TMPRSS13: variants seen among roughly 807,000 people sequenced by gnomAD.
The protein encoded by TMPRSS13 is transmembrane protease serine 13.
TMPRSS13 carries 50 observed loss-of-function variants against 68.4 expected under a neutral mutation model. The observed-to-expected ratio is 0.73, with a 90% CI of 0.58 to 0.93. TMPRSS13 has a LOEUF of 0.93. TMPRSS13 is among the 40% of genes least tolerant of loss of function. TMPRSS13 has a pLI of 0.00. For missense variants in TMPRSS13, 615 were observed against 729.2 expected, an observed-to-expected ratio of 0.84 and a Z score of 1.80; for synonymous variants, 267 against 285.8, an observed-to-expected ratio of 0.93 and a Z score of 0.66.
intron 1 of TMPRSS13, among the ~76,000 whole-genome samples, chr11:117,921,717 C>G (rs2057650706): frequency 6.6e-6 from 1 of 152,200 alleles, no homozygotes; most frequent in South Asian, 2.1e-4. Context: ...GTATCTAGCT[C>G]TGGTCTGGGT....
At chr11:117,923,838 T>TAA (rs1555057480) in intron 1 of TMPRSS13, among the ~76,000 whole-genome samples, 4 of 128,140 alleles carry the variant, frequency 3.1e-5, no homozygotes, top group African/African-American at 1.1e-4. Flanking sequence ...GTATAATAAT[T>TAA]AAAAAAAAAA....
In TMPRSS13 at chr11:117,913,808, C is replaced by T; in HGVS notation, c.778G>A (p.Glu260Lys). 6.2e-7 allele frequency: 1 copy of T among 1,614,078 alleles called. No individual in the cohort carries two copies. The highest frequency in any genetic ancestry group is 1.7e-5 in the Admixed American group (1 of 60,018). Residue 260 changes from glutamate (E) to lysine (K), a missense_variant, in exon 5 of 13, where the codon GAG becomes AAG. Transcript: ENST00000524993. ...CSSNWNDSYS[E>K]KTCQQLGFES... Reference sequence around the variant, plus strand: ...AAACCCAGCTGCTGGCAGGTCTTCTCTGAGTAGGAGTCATTCCAGTTGCTG... The same window carrying T: ...AAACCCAGCTGCTGGCAGGTCTTCTTTGAGTAGGAGTCATTCCAGTTGCTG...
intron 9 of TMPRSS13, 21 bp from the exon 10 acceptor site, chr11:117,905,757 G>A (rs779936362): frequency 9.6e-6 from 15 of 1,562,258 alleles, no homozygotes; most frequent in Middle Eastern, 1.7e-4. Flanking sequence ...ACCTCCAGAC[G>A]TCAGTGAAGG....
At chr11:117,907,424 C>T (rs867068469) in intron 9 of TMPRSS13, 1 of 152,226 alleles carries the variant, frequency 6.6e-6, no homozygotes, top group East Asian at 1.9e-4. Context: ...CCTCCTCACC[C>T]CACTCTGATG....
Position 117,914,349 on chromosome 11 carries a change from G to T in TMPRSS13, c.679+43C>A. 1 of 1,607,768 alleles carries T rather than the reference G, an allele frequency of 6.2e-7. No homozygotes were observed. The highest frequency in any genetic ancestry group is 1.7e-4 in the Middle Eastern group (1 of 6,032). On this transcript the variant is annotated intron_variant, in intron 4 of 12. Transcript: ENST00000524993. This position sits in a 1 kb window ranked among gnomAD's most constrained non-coding sequence, Gnocchi z 4.2. The stretch of plus-strand genomic sequence containing the variant: ...TATACAAACAGGCACACAAACACAT[G>T]CACATGCACACGCACGCGCTCCCCC...
Position 117,902,017 on chromosome 11 carries a change from G to A in TMPRSS13, c.*222C>T. On this transcript the variant is annotated 3_prime_UTR_variant, in exon 13 of 13. Transcript: ENST00000524993. ...TTTCCAGCCTGGGATTTTGAGAAGA[G>A]TTGACAGCTCTGCTGGTTTCTGAAA... 1 of 604,798 alleles carries A rather than the reference G, an allele frequency of 1.7e-6. No individual in the cohort carries two copies. The highest frequency in any genetic ancestry group is 3.0e-6 in the Non-Finnish European group (1 of 338,048). The allele number at this position is 604,798 out of a possible 1,614,324, so 37.5% of individuals were successfully genotyped here. A position where few individuals can be genotyped will look rare whatever the true frequency, so the allele number is the denominator to read the frequency against.
Position 117,917,245 on chromosome 11 carries a change from C to G in TMPRSS13, c.481G>C (p.Glu161Gln). 4 of 1,612,782 alleles carry G rather than the reference C, an allele frequency of 2.5e-6. No individual in the cohort carries two copies. The highest frequency in any genetic ancestry group is 3.4e-6 in the Non-Finnish European group (4 of 1,179,990). ...ATGAGCGGTAGCTGCTTCTGGCCCT[C>G]CCGCCAGGTGAACTTGGGCAGGCTC... is the stretch of plus-strand genomic sequence containing the variant. ...GTSLPKFTWR[E>Q]GQKQLPLIGC... The change falls in exon 3 of 13, where the codon GAG (glutamate) becomes CAG (glutamine). Residue 161 changes from glutamate to glutamine, a missense_variant. Glu to Gln is a conservative substitution (Grantham distance 29, BLOSUM62 2). Coordinates refer to ENST00000524993, the MANE Select transcript of TMPRSS13 (RefSeq NM_001077263.3).
chr11:117,924,292 G>A (rs1285725111), intron 1 of TMPRSS13, among the ~76,000 whole-genome samples: 2 of 152,110 alleles, frequency 1.3e-5, no homozygotes, highest in African/African-American at 4.8e-5. Flanking sequence ...GCCAGGTGGG[G>A]ACGGTGCCAA....
chr11:117,907,289 A>G (rs958874520), intron 9 of TMPRSS13, among the ~76,000 whole-genome samples: 1 of 151,964 alleles, frequency 6.6e-6, no homozygotes, highest in Non-Finnish European at 1.5e-5. Flanking sequence ...ACAGACAAGG[A>G]TGGAGTTTCA....
chr11:117,903,308 A>G (rs1591614444), intron 12 of TMPRSS13: 1 of 1,382,154 alleles, frequency 7.2e-7, no homozygotes, highest in East Asian at 2.5e-5. Context: ...CTTGATAACA[A>G]AAACTATCAC....
intron 5 of TMPRSS13, among the ~76,000 whole-genome samples, chr11:117,912,618 G>A (rs975006604): frequency 5.3e-5 from 8 of 152,180 alleles, no homozygotes; most frequent in Non-Finnish European, 1.2e-4. Context: ...CTTAGCACAC[G>A]CTGCTCCTCT....
rs2057472470 is a variant in TMPRSS13 at position 117,907,274 on chromosome 11, A to C, written c.1282+1338T>G. Among the ~76,000 whole-genome samples, 4 of 151,726 alleles carry C rather than the reference A, an allele frequency of 2.6e-5. No individual in the cohort carries two copies. In the South Asian group the frequency reaches 8.3e-4, roughly 32 times the overall value. On this transcript the variant is annotated intron_variant, in intron 9 of 12. Transcript: ENST00000524993. ...CGGGCATCCCTCACCTCAGCCCTGG[A>C]CTCCACAGACAAGGATGGAGTTTCA...
chr11:117,914,664 G>C lies in TMPRSS13; in HGVS notation c.557-150C>G, dbSNP rs540475816. On this transcript the variant is annotated intron_variant, in intron 3 of 12. Coordinates refer to ENST00000524993, the MANE Select transcript of TMPRSS13 (RefSeq NM_001077263.3). This position sits in a 1 kb window ranked among gnomAD's most constrained non-coding sequence, Gnocchi z 4.2. ...ATCCCCCATCTGTATGGAGAGAAAG[G>C]CTGCTCAGGAATGCTCCAGAATGCT... 5.3e-4 allele frequency: 750 copies of C among 1,426,748 alleles called. 2 individuals are homozygous for C. Among genetic ancestry groups the C allele is most frequent in the African/African-American group, 5.0e-3 (352 of 70,774 alleles). 88.4% of individuals were successfully genotyped at this position (1,426,748 alleles called of 1,614,324 possible).
chr11:117,928,194 T>C (rs761576211), intron 1 of TMPRSS13, among the ~76,000 whole-genome samples: 3 of 152,186 alleles, frequency 2.0e-5, no homozygotes, highest in Non-Finnish European at 4.4e-5. Flanking sequence ...GTACCCCCCT[T>C]ACTGCTCAAC....
In TMPRSS13 at chr11:117,908,791, G is replaced by C. The variant is rs1377618615; in HGVS notation, c.1110-7C>G. The C allele has an allele frequency of 6.3e-7, 1 of 1,596,650 alleles. No homozygotes were observed. The highest frequency in any genetic ancestry group is 8.5e-7 in the Non-Finnish European group (1 of 1,172,498). On this transcript the variant is annotated splice_polypyrimidine_tract_variant and splice_region_variant and intron_variant, in intron 8 of 12. Transcript: ENST00000524993. ...CAGGACCTTCTCCCGGGTCCTGCAA[G>C]AGCCACAAAGGAGCGTGGTCCAGTA...
rs754249591 is a variant in TMPRSS13 at position 117,903,009 on chromosome 11, G to C, written c.1677+646C>G. On this transcript the variant is annotated intron_variant, in intron 12 of 12. Transcript: ENST00000524993. The stretch of plus-strand genomic sequence containing the variant: ...ACCTGAGCAATGACTTCTGAGGTTG[G>C]ATATAGGTTAAAGCAAGTCAAAAAA... 1,321 of 1,029,880 alleles carry C rather than the reference G, an allele frequency of 1.3e-3. 2 individuals carry two copies. Among genetic ancestry groups the C allele is most frequent in the Non-Finnish European group, 1.5e-3 (1,277 of 857,706 alleles). The allele number at this position is 1,029,880 out of a possible 1,614,324, so 63.8% of individuals were successfully genotyped here.
chr11:117,910,731 G>T lies in TMPRSS13; in HGVS notation c.922C>A (p.Arg308=), dbSNP rs181029155. ...SLHRSECPSQ[R]YISLQCSHCG... is the part of the protein sequence containing the mutation. Reference sequence around the variant, plus strand: ...CGGGAACACTGGAGAGAGATATACCGCTGGGAAGGGCATTCAGACCTGCAG... The same window carrying T: ...CGGGAACACTGGAGAGAGATATACCTCTGGGAAGGGCATTCAGACCTGCAG... The change falls in exon 7 of 13, where the codon CGG becomes AGG. Residue 308 remains arginine (R), a synonymous_variant. Transcript: ENST00000524993. 4 of 1,608,620 alleles carry T rather than the reference G, an allele frequency of 2.5e-6. No individual in the cohort carries two copies. Among genetic ancestry groups the T allele is most frequent in the East Asian group, 4.5e-5 (2 of 44,726 alleles).
chr11:117,918,799 G>C lies in TMPRSS13; in HGVS notation c.61C>G (p.Pro21Ala), dbSNP rs2057612494. ...PARTPSAGAS[P>A]AQASPAGTPP... Reference sequence around the variant, plus strand: ...GTCCCAGCTGGAGATGCCTGGGCTGGAGATGCTCCAGCTGAAGGTGTTCTT... The same window carrying C: ...GTCCCAGCTGGAGATGCCTGGGCTGCAGATGCTCCAGCTGAAGGTGTTCTT... Residue 21 changes from proline (P) to alanine (A), a missense_variant, in exon 2 of 13, where the codon CCA becomes GCA. Transcript: ENST00000524993. 1.2e-6 allele frequency: 2 copies of C among 1,613,762 alleles called. No individual in the cohort carries two copies. Among genetic ancestry groups the C allele is most frequent in the South Asian group, 2.2e-5 (2 of 91,078 alleles).
At chr11:117,917,678 C>T (rs1008118733) in intron 2 of TMPRSS13, among the ~76,000 whole-genome samples, 4 of 152,144 alleles carry the variant, frequency 2.6e-5, no homozygotes, top group Admixed American at 6.5e-5. Flanking sequence ...GTAGGGATTC[C>T]AGTGCAGTGG....
Sources: allele counts gnomAD v4.1 joint callset (sites outside exome capture counted in the v4.1 genomes callset), GRCh38; gene constraint gnomAD v4.1.1; non-coding constraint Gnocchi (gnomAD v3.1); transcripts MANE v1.5; gene names NCBI Gene and HGNC (gene_info 2026-07-23, HGNC 2026-07-21).